Variants in ARNT2 observed in about 807,000 individuals in gnomAD.
The protein encoded by ARNT2 is ARNT protein 2.
Under a neutral mutation model 91.7 loss-of-function variants are expected in ARNT2, and 36 were observed. The observed-to-expected ratio is 0.39, with a 90% CI of 0.30 to 0.52. The LOEUF is 0.52. Among genes scored for constraint, ARNT2 ranks in the 20% least tolerant of loss-of-function variants. The pLI is 0.72. For missense variants in ARNT2, 775 were observed against 939.3 expected (o/e 0.83, Z 2.29); for synonymous variants, 365 against 347.1 (o/e 1.05, Z -0.57).
chr15:80,483,592 C>T (rs558400037), intron 5 of ARNT2, among the ~76,000 whole-genome samples: 286 of 152,338 alleles, frequency 1.9e-3, no homozygotes, highest in Middle Eastern at 6.8e-3. Flanking sequence ...CAAGCCCATA[C>T]ATCCTCTGCT....
At chr15:80,580,623 A>G (rs1898777547) in intron 16 of ARNT2, 74 bp downstream of exon 16, 3 of 1,592,430 alleles carry the variant, frequency 1.9e-6, no homozygotes, top group Non-Finnish European at 2.6e-6. Flanking sequence ...TTTTCTTTGG[A>G]TTGCGGTTCT....
At position 80,462,669 on chromosome 15, in the gene ARNT2, C is replaced by T. The variant is rs1017807198; in HGVS notation, c.194+4693C>T. On this transcript the variant is annotated intron_variant, in intron 3 of 18. Transcript: ENST00000303329. ...GGACTCAAAATCCCTTATCAAGGGG[C>T]TTCCTGGCCTCTCTTTAACCTTTTT... is the stretch of plus-strand genomic sequence containing the variant. Among the ~76,000 whole-genome samples, 3 of 152,216 alleles carry T rather than the reference C, an allele frequency of 2.0e-5. No homozygotes were observed. The East Asian group carries it at 5.8e-4, about 29-fold the overall frequency.
At chr15:80,555,338 A>T in intron 11 of ARNT2, 199 bp downstream of exon 11, 2 of 552,172 alleles carry the variant, frequency 3.6e-6, no homozygotes, top group East Asian at 5.6e-5. Context: ...ACTATGTAAT[A>T]GGAGGAGAAC....
chr15:80,489,849 G>A (rs1029513658), intron 5 of ARNT2, among the ~76,000 whole-genome samples: 2 of 152,180 alleles, frequency 1.3e-5, no homozygotes, highest in African/African-American at 4.8e-5. Flanking sequence ...TTTCTGCCTG[G>A]GTTTGAGTCT....
chr15:80,502,097 A>C (rs74029844), intron 5 of ARNT2, among the ~76,000 whole-genome samples: 19,249 of 152,202 alleles, frequency 0.13, 1,521 homozygotes, highest in African/African-American at 0.22. Context: ...GGAAGCTCAT[A>C]GCTCTGTACC....
At chr15:80,435,578 T>G (rs1232707121) in intron 1 of ARNT2, among the ~76,000 whole-genome samples, 1 of 151,946 alleles carries the variant, frequency 6.6e-6, no homozygotes, top group East Asian at 1.9e-4. Flanking sequence ...CCCACAGCCC[T>G]CTCACATTCC....
rs1160585088 is a variant in ARNT2 at position 80,562,322 on chromosome 15, C to T, written c.1165-766C>T. Among the ~76,000 whole-genome samples the T allele has an allele frequency of 2.0e-5, 3 of 152,094 alleles. No homozygotes were observed. The East Asian group carries it at 5.8e-4, about 29-fold the overall frequency. ...TAGAACAAAGGGGAGATCTGTATAG[C>T]CAGAGGGACAATCTTGTGATTTGGA... On this transcript the variant is annotated intron_variant, in intron 11 of 18. Transcript: ENST00000303329.
chr15:80,552,699 AT>A lies in ARNT2; in HGVS notation c.1015del (p.Ser339ProfsTer19). 6.2e-7 allele frequency: 1 copy of A among 1,614,172 alleles called. No individual in the cohort carries two copies. The highest frequency in any genetic ancestry group is 1.1e-5 in the South Asian group (1 of 91,068). On this transcript the variant is annotated frameshift_variant, in exon 10 of 19. Coordinates refer to ENST00000303329, the MANE Select transcript of ARNT2 (RefSeq NM_014862.4). LOFTEE classifies it high-confidence loss of function. ...NGMSVPTEFL[S>X]RHNSDGIITF... Reference sequence around the variant, plus strand: ...GGATGTCGGTGCCCACAGAGTTCTTATCCCGGCATAACTCCGATGGAATCAT... The same window carrying A: ...GGATGTCGGTGCCCACAGAGTTCTTACCCGGCATAACTCCGATGGAATCAT...
chr15:80,521,776 A>G (rs1382405223), intron 8 of ARNT2, among the ~76,000 whole-genome samples: 2 of 152,126 alleles, frequency 1.3e-5, no homozygotes, highest in Non-Finnish European at 2.9e-5. Flanking sequence ...TCTAAGAAAA[A>G]CTAGCTTAAA....
chr15:80,436,667 T>A (rs938936427), intron 1 of ARNT2, among the ~76,000 whole-genome samples: 3 of 152,218 alleles, frequency 2.0e-5, no homozygotes, highest in African/African-American at 2.4e-5. Flanking sequence ...GCTCTCGTTG[T>A]GTCTGGACAA....
chr15:80,516,637 T>C (rs967447910), intron 8 of ARNT2, among the ~76,000 whole-genome samples: 6 of 151,868 alleles, frequency 4.0e-5, no homozygotes, highest in African/African-American at 1.4e-4. Flanking sequence ...TTTTAACTGA[T>C]ACATTTAGAC....
At chr15:80,525,886 T>C (rs1897632563) in intron 8 of ARNT2, among the ~76,000 whole-genome samples, 1 of 152,172 alleles carries the variant, frequency 6.6e-6, no homozygotes, top group African/African-American at 2.4e-5. Flanking sequence ...TTACCAACAA[T>C]AACTTGGTTA....
intron 3 of ARNT2, among the ~76,000 whole-genome samples, chr15:80,464,050 C>T (rs79131972): frequency 0.039 from 5,869 of 152,300 alleles, 152 homozygotes; most frequent in South Asian, 0.096. Flanking sequence ...GAGGAAATCA[C>T]TTCTGGGATC....
intron 5 of ARNT2, among the ~76,000 whole-genome samples, chr15:80,481,876 G>T (rs560699717): frequency 6.6e-6 from 1 of 152,276 alleles, no homozygotes; most frequent in Admixed American, 6.5e-5. Flanking sequence ...TGGGACTACA[G>T]GTGTACACCA....
At chr15:80,562,942 CCCTCTCTT>C in intron 11 of ARNT2, 138 bp from the exon 12 acceptor site, 1 of 863,762 alleles carries the variant, frequency 1.2e-6, no homozygotes, top group East Asian at 2.4e-5. Flanking sequence ...AAACTGCTCT[CCCTCTCTT>C]ACTGTCTTTT....
At position 80,575,889 on chromosome 15, in the gene ARNT2, C is replaced by G. The variant is rs538551873; in HGVS notation, c.1513+779C>G. Among the ~76,000 whole-genome samples, 32 of 152,332 alleles carry G rather than the reference C, an allele frequency of 2.1e-4. 1 individual carries two copies. In the South Asian group the frequency reaches 5.0e-3, roughly 24 times the overall value. On this transcript the variant is annotated intron_variant, in intron 14 of 18. Transcript: ENST00000303329. ...CTTGCATTCACGCCTTGAGCCCTCC[C>G]TCGCCGGCTCATGACTTTGGACAAG...
intron 17 of ARNT2, among the ~76,000 whole-genome samples, chr15:80,583,186 G>C (rs112587874): frequency 0.045 from 6,796 of 152,350 alleles, 504 homozygotes; most frequent in African/African-American, 0.16. Flanking sequence ...CATGGTCTGC[G>C]TGGGGGCCCT....
intron 8 of ARNT2, among the ~76,000 whole-genome samples, chr15:80,519,952 C>G (rs1465333615): frequency 6.7e-6 from 1 of 149,844 alleles, no homozygotes; most frequent in African/African-American, 2.5e-5. Context: ...CCCGCTTTGG[C>G]CTCCCAAAGT....
chr15:80,446,123 C>A (rs778448840), intron 1 of ARNT2, among the ~76,000 whole-genome samples: 4 of 151,906 alleles, frequency 2.6e-5, no homozygotes, highest in Non-Finnish European at 5.9e-5. Flanking sequence ...CGTTGCTATC[C>A]CCATTTTGCA....
Sources: allele counts gnomAD v4.1 joint callset (sites outside exome capture counted in the v4.1 genomes callset), GRCh38; gene constraint gnomAD v4.1.1; transcripts MANE v1.5; gene names NCBI Gene and HGNC (gene_info 2026-07-23, HGNC 2026-07-21).